Variants in SCIN observed in about 807,000 individuals in gnomAD.
The protein encoded by SCIN is scinderin.
Under a neutral mutation model 91.8 loss-of-function variants are expected in SCIN, and 91 were observed. The ratio of observed to expected loss-of-function variants is 0.99; its 90% CI spans 0.84 to 1.18. The LOEUF is 1.18. Ranked by LOEUF, SCIN falls within the 50% of genes most tolerant of loss-of-function variation. The pLI, the probability that SCIN is intolerant of heterozygous loss-of-function variation, is 0.00. For missense variants in SCIN, 1,087 were observed against 863.9 expected (o/e 1.26, Z -3.24); for synonymous variants, 367 against 312.6 (o/e 1.17, Z -1.84).
At position 12,653,780 on chromosome 7, in the gene SCIN, G is replaced by C. The variant is rs957836133; in HGVS notation, c.*1065G>C. The C allele has an allele frequency of 6.6e-6, 1 of 152,300 alleles. No homozygotes were observed. The highest frequency in any genetic ancestry group is 2.1e-4 in the South Asian group (1 of 4,822). 9.4% of individuals were successfully genotyped at this position (152,300 alleles called of 1,614,324 possible). ...GTTACTTACTGGCAGGTAGCCACTA[G>C]AGAATCTTAGCAATTTTTGTCCTGC... On this transcript the variant is annotated 3_prime_UTR_variant, in exon 16 of 16. Transcript: ENST00000297029. The surrounding 1 kb of genome is among the most constrained non-coding windows in gnomAD (Gnocchi z 4.1).
chr7:12,615,595 T>C (rs1783282538), intron 4 of SCIN, among the ~76,000 whole-genome samples: 2 of 152,114 alleles, frequency 1.3e-5, no homozygotes, highest in African/African-American at 4.8e-5. Context: ...AGTGTGAAAA[T>C]TGACTAATTC....
intron 3 of SCIN, among the ~76,000 whole-genome samples, chr7:12,603,463 C>A (rs1459388777): frequency 6.6e-6 from 1 of 151,982 alleles, no homozygotes; most frequent in South Asian, 2.1e-4. Flanking sequence ...TATAATGATG[C>A]TAAACCACCC....
intron 3 of SCIN, among the ~76,000 whole-genome samples, chr7:12,586,911 A>G (rs1392917995): frequency 1.3e-5 from 2 of 152,166 alleles, no homozygotes; most frequent in African/African-American, 2.4e-5. Context: ...AATTGTGGTT[A>G]TGAGAGATTG....
chr7:12,611,416 C>A (rs954597313), intron 4 of SCIN, among the ~76,000 whole-genome samples: 1 of 152,074 alleles, frequency 6.6e-6, no homozygotes. Flanking sequence ...GTCAGCATTC[C>A]TTAAAGTTTT....
At chr7:12,644,362 C>T (rs199783300) in intron 12 of SCIN, 47 bp downstream of exon 12, 1,020 of 1,520,792 alleles carry the variant, frequency 6.7e-4, no homozygotes, top group Non-Finnish European at 8.4e-4. Context: ...TATACTGATA[C>T]GATTGCTAAT....
At chr7:12,629,254 C>T (rs1783595164) in intron 9 of SCIN, 32 bp downstream of exon 9, 1 of 1,577,834 alleles carries the variant, frequency 6.3e-7, no homozygotes, top group African/African-American at 1.4e-5. Context: ...TCTCGAGTTC[C>T]ACAGGAGCCA....
At chr7:12,649,628 G>C in intron 14 of SCIN, 84 bp downstream of exon 14, 1 of 839,236 alleles carries the variant, frequency 1.2e-6, no homozygotes, top group Non-Finnish European at 1.9e-6. Flanking sequence ...GGTAAGTCTA[G>C]ATATAAATGA....
rs1784163552 is a variant in SCIN at position 12,656,420 on chromosome 7, A to G, written c.*3705A>G. The G allele has an allele frequency of 6.6e-6, 1 of 152,118 alleles. No individual in the cohort carries two copies. Among genetic ancestry groups the G allele is most frequent in the Admixed American group, 6.6e-5 (1 of 15,264 alleles). The allele number at this position is 152,118 out of a possible 1,614,324, so 9.4% of individuals were successfully genotyped here. ...AACCTAATTTATTTATTTTAAACCT[A>G]ATTTATTTTAAACCTAATTTATTTA... On this transcript the variant is annotated 3_prime_UTR_variant, in exon 16 of 16. Transcript: ENST00000297029.
chr7:12,577,916 C>A, intron 1 of SCIN, 148 bp from the exon 2 acceptor site: 9 of 672,856 alleles, frequency 1.3e-5, no homozygotes, highest in South Asian at 5.1e-5. Flanking sequence ...GTATTACATA[C>A]AGTATTTTAG....
intron 11 of SCIN, among the ~76,000 whole-genome samples, chr7:12,643,624 A>G (rs1451618329): frequency 6.6e-6 from 1 of 152,162 alleles, no homozygotes; most frequent in Non-Finnish European, 1.5e-5. Flanking sequence ...ACCTGGTGAA[A>G]TTCAACTCTC....
At chr7:12,587,072 A>G (rs1347478670) in intron 3 of SCIN, among the ~76,000 whole-genome samples, 1 of 152,210 alleles carries the variant, frequency 6.6e-6, no homozygotes, top group Non-Finnish European at 1.5e-5. Context: ...TTTCAAAGCT[A>G]GAAAAGGATT....
intron 4 of SCIN, among the ~76,000 whole-genome samples, chr7:12,606,962 G>T (rs530656855): frequency 6.6e-6 from 1 of 152,294 alleles, no homozygotes; most frequent in East Asian, 1.9e-4. Flanking sequence ...AACCATGTAA[G>T]TCTTCTAACT....
intron 3 of SCIN, among the ~76,000 whole-genome samples, chr7:12,593,153 C>T (rs998538302): frequency 6.6e-5 from 10 of 152,208 alleles, no homozygotes; most frequent in African/African-American, 1.2e-4. Flanking sequence ...GACATGGCCC[C>T]GTCCAGTGGC....
chr7:12,602,864 C>G (rs6460970), intron 3 of SCIN, among the ~76,000 whole-genome samples: 13 of 152,052 alleles, frequency 8.5e-5, no homozygotes, highest in African/African-American at 2.9e-4. Context: ...ACAGTTAACA[C>G]AATTATAGTG....
At chr7:12,594,331 G>A (rs970508773) in intron 3 of SCIN, among the ~76,000 whole-genome samples, 3 of 152,168 alleles carry the variant, frequency 2.0e-5, no homozygotes, top group East Asian at 1.9e-4. Flanking sequence ...GTGGGGTGAC[G>A]GGAGATGAGT....
chr7:12,583,520 G>A (rs1782529493), intron 3 of SCIN, among the ~76,000 whole-genome samples: 2 of 152,132 alleles, frequency 1.3e-5, no homozygotes. Context: ...AGCTAACTTG[G>A]TAGTATATTA....
chr7:12,613,749 GTAA>G (rs1554294172), intron 4 of SCIN, among the ~76,000 whole-genome samples: 6 of 152,092 alleles, frequency 3.9e-5, no homozygotes, highest in Non-Finnish European at 8.8e-5. Context: ...AAATGTATAT[GTAA>G]TAATATGTTT....
intron 10 of SCIN, among the ~76,000 whole-genome samples, chr7:12,636,623 C>G (rs895829472): frequency 2.0e-5 from 3 of 152,112 alleles, no homozygotes; most frequent in African/African-American, 4.8e-5. Flanking sequence ...TCTGGGATTA[C>G]TGGGTGGGCC....
At position 12,578,531 on chromosome 7, in the gene SCIN, C is replaced by T. The variant is rs986063832; in HGVS notation, c.354+313C>T. Among the ~76,000 whole-genome samples the T allele has an allele frequency of 2.0e-5, 3 of 152,118 alleles. No homozygotes were observed. In the East Asian group the frequency reaches 5.8e-4, roughly 29 times the overall value. On this transcript the variant is annotated intron_variant, in intron 2 of 15. Transcript: ENST00000297029. Reference sequence around the variant, plus strand: ...TTGTAATATTTTGTAGCTATTTCAACATTTAAATTTTGGTAATTTGGGTCT... The same window carrying T: ...TTGTAATATTTTGTAGCTATTTCAATATTTAAATTTTGGTAATTTGGGTCT...
Sources: gnomAD v4.1 joint callset for allele counts (sites outside exome capture counted in the v4.1 genomes callset) on GRCh38, gnomAD v4.1.1 for gene constraint, Gnocchi (gnomAD v3.1) non-coding constraint, MANE v1.5 for transcripts, NCBI Gene and HGNC (gene_info 2026-07-23, HGNC 2026-07-21) for gene names.